ACVR1B: variants seen among roughly 807,000 people sequenced by gnomAD.
ACVR1B encodes activin receptor type-1B.
ACVR1B carries 15 observed loss-of-function variants against 55.6 expected under a neutral mutation model. The ratio of observed to expected loss-of-function variants is 0.27; its 90% CI spans 0.18 to 0.42. The LOEUF is 0.42. Ranked by LOEUF, ACVR1B falls within the 10% of genes least tolerant of loss-of-function variation. The pLI is 1.00. For missense variants in ACVR1B, 359 were observed against 670.1 expected (o/e 0.54, Z 5.13); for synonymous variants, 247 against 254.6 (o/e 0.97, Z 0.28).
intron 5 of ACVR1B, among the ~76,000 whole-genome samples, chr12:51,984,521 A>T (rs934429239): frequency 6.6e-6 from 1 of 152,248 alleles, no homozygotes; most frequent in Admixed American, 6.5e-5. Flanking sequence ...TACTGGGAAC[A>T]TCAGTTTAGT....
At chr12:51,987,724 C>A (rs1206178257) in intron 7 of ACVR1B, 2 of 152,832 alleles carry the variant, frequency 1.3e-5, no homozygotes, top group African/African-American at 2.4e-5. Context: ...GGCCCCTGCA[C>A]AAGGATGACA....
intron 6 of ACVR1B, among the ~76,000 whole-genome samples, chr12:51,985,841 G>A (rs1942066203): frequency 6.6e-6 from 1 of 152,210 alleles, no homozygotes; most frequent in East Asian, 1.9e-4. Context: ...AGTGAGGTAA[G>A]AAGTAAGGAG....
intron 1 of ACVR1B, among the ~76,000 whole-genome samples, chr12:51,961,461 CTCTT>C (rs1941525427): frequency 6.6e-6 from 1 of 152,142 alleles, no homozygotes. Flanking sequence ...ATCATAATCT[CTCTT>C]TCTACCTCAC....
intron 1 of ACVR1B, among the ~76,000 whole-genome samples, chr12:51,970,029 C>G (rs1941717324): frequency 6.6e-6 from 1 of 152,108 alleles, no homozygotes; most frequent in Non-Finnish European, 1.5e-5. Context: ...ATTGTTATCC[C>G]AGGCTGTAAC....
chr12:51,970,728 A>G (rs1941730952), intron 1 of ACVR1B, among the ~76,000 whole-genome samples: 1 of 152,236 alleles, frequency 6.6e-6, no homozygotes, highest in South Asian at 2.1e-4. Context: ...GCAGTTTATG[A>G]TCAAGTCATA....
intron 1 of ACVR1B, among the ~76,000 whole-genome samples, chr12:51,972,321 G>C (rs1941760395): frequency 6.6e-6 from 1 of 152,106 alleles, no homozygotes; most frequent in African/African-American, 2.4e-5. Flanking sequence ...ACAGCATTTT[G>C]GTCAGTGAGG....
At chr12:51,979,668 G>C (rs551242145) in intron 3 of ACVR1B, among the ~76,000 whole-genome samples, 33 of 152,182 alleles carry the variant, frequency 2.2e-4, no homozygotes, top group Non-Finnish European at 3.4e-4. Context: ...ACGTCAGGCT[G>C]CCCCAGGTGT....
chr12:51,965,591 G>A (rs1355690424), intron 1 of ACVR1B, among the ~76,000 whole-genome samples: 2 of 152,126 alleles, frequency 1.3e-5, no homozygotes, highest in African/African-American at 4.8e-5. Context: ...AAGCACAATG[G>A]GAGGTAGAAG....
At chr12:51,961,386 C>A (rs1441268250) in intron 1 of ACVR1B, among the ~76,000 whole-genome samples, 1 of 152,086 alleles carries the variant, frequency 6.6e-6, no homozygotes, top group East Asian at 1.9e-4. Flanking sequence ...TTATTATAAT[C>A]TTGTATATAT....
In ACVR1B at chr12:51,996,713, GA is replaced by G. The variant is rs1362538707; in HGVS notation, c.*2605del. 6.6e-6 allele frequency: 1 copy of G among 152,510 alleles called. No homozygotes were observed. The highest frequency in any genetic ancestry group is 1.5e-5 in the Non-Finnish European group (1 of 68,090). The allele number at this position is 152,510 out of a possible 1,614,324, so 9.4% of individuals were successfully genotyped here. A position where few individuals can be genotyped will look rare whatever the true frequency, so the allele number is the denominator to read the frequency against. ...TGGGGAAGATGGAGCAGGTCTTTGG[GA>G]AGCTCCCACACCCACCTCTGCCACT... On this transcript the variant is annotated 3_prime_UTR_variant, in exon 9 of 9. Transcript: ENST00000257963.
intron 5 of ACVR1B, 54 bp from the exon 6 acceptor site, chr12:51,985,138 C>G: frequency 6.5e-7 from 1 of 1,546,796 alleles, no homozygotes; most frequent in East Asian, 2.3e-5. Flanking sequence ...ATAGTCTATG[C>G]TTTTAACATT....
chr12:51,954,016 T>G (rs1317496894), intron 1 of ACVR1B, among the ~76,000 whole-genome samples: 2 of 152,246 alleles, frequency 1.3e-5, no homozygotes, highest in Non-Finnish European at 2.9e-5. Flanking sequence ...GTGTATGCTA[T>G]GGAGACCACT....
intron 1 of ACVR1B, among the ~76,000 whole-genome samples, chr12:51,967,375 G>A (rs1199404031): frequency 6.6e-6 from 1 of 150,990 alleles, no homozygotes; most frequent in Non-Finnish European, 1.5e-5. Flanking sequence ...CCTGGCCAAC[G>A]TGGTGAAACC....
chr12:51,980,265 A>C (rs1253725206), intron 3 of ACVR1B, among the ~76,000 whole-genome samples: 1 of 152,214 alleles, frequency 6.6e-6, no homozygotes, highest in East Asian at 1.9e-4. Context: ...CTAGGGATTA[A>C]TAATGTATTA....
rs1050699467 is a variant in ACVR1B, at chr12:51,969,888, C to G, written c.92-5377C>G. On this transcript the variant is annotated intron_variant, in intron 1 of 8. Transcript: ENST00000257963. ...TCCAGCCTGGGCAACATAGCAAGACCCTGTCTCTAAGAAAATTTTTTAAAA... is the reference window on the plus strand; with the variant it reads ...TCCAGCCTGGGCAACATAGCAAGACGCTGTCTCTAAGAAAATTTTTTAAAA... 2.6e-5 allele frequency among the ~76,000 whole-genome samples: 4 copies of G among 151,948 alleles called. No homozygotes were observed. In the East Asian group the frequency reaches 7.7e-4, roughly 29 times the overall value.
At chr12:51,976,215 C>A in intron 2 of ACVR1B, 112 bp from the exon 3 acceptor site, 6 of 1,283,874 alleles carry the variant, frequency 4.7e-6, no homozygotes, top group Non-Finnish European at 6.5e-6. Context: ...GGAGCCTGAA[C>A]ACATCGACAG....
intron 1 of ACVR1B, among the ~76,000 whole-genome samples, chr12:51,971,930 T>C (rs976751476): frequency 6.6e-6 from 1 of 152,228 alleles, no homozygotes; most frequent in African/African-American, 2.4e-5. Flanking sequence ...CCCAAAGCCA[T>C]GCAACTAGTT....
chr12:51,992,720 C>G (rs1013434405), intron 8 of ACVR1B, among the ~76,000 whole-genome samples: 3 of 152,086 alleles, frequency 2.0e-5, no homozygotes, highest in Non-Finnish European at 4.4e-5. Context: ...AGTGGTCTTT[C>G]CAGAAACTCA....
At position 51,986,964 on chromosome 12, in the gene ACVR1B, G is replaced by A. The variant is rs770570984; in HGVS notation, c.1261+22G>A. ...GGAGGTACCTTTCTTTTTTGCCTTT[G>A]CTCCTACCTCCCATTCCAGGATGCT... On this transcript the variant is annotated intron_variant, in intron 7 of 8. Transcript: ENST00000257963. 4 of 1,614,060 alleles carry A rather than the reference G, an allele frequency of 2.5e-6. No individual in the cohort carries two copies. The South Asian group carries it at 4.4e-5, about 18-fold the overall frequency.
Sources: gnomAD v4.1 joint callset for allele counts (sites outside exome capture counted in the v4.1 genomes callset) on GRCh38, gnomAD v4.1.1 for gene constraint, MANE v1.5 for transcripts, NCBI Gene and HGNC (gene_info 2026-07-23, HGNC 2026-07-21) for gene names.